Variants in PITX3 observed in about 807,000 individuals in gnomAD.
PITX3 encodes the protein paired like homeodomain 3, also known as pituitary homeobox 3.
Under a neutral mutation model 14.2 loss-of-function variants are expected in PITX3, and 4 were observed. That is an observed-to-expected ratio of 0.28 (90% CI 0.14 to 0.65). The LOEUF (loss-of-function observed/expected upper bound fraction) is 0.65, where lower values mean the gene tolerates loss of function less well. Among genes scored for constraint, PITX3 ranks in the 30% least tolerant of loss-of-function variants. PITX3 has a pLI of 0.82. For missense variants in PITX3, 358 were observed against 426.8 expected (o/e 0.84, Z 1.42); for synonymous variants, 194 against 204.5 (o/e 0.95, Z 0.44).
Position 102,230,859 on chromosome 10 carries a change from G to C in PITX3, c.564C>G (p.Phe188Leu). 6.2e-7 allele frequency: 1 copy of C among 1,600,092 alleles called. No individual in the cohort carries two copies. The highest frequency in any genetic ancestry group is 8.5e-7 in the Non-Finnish European group (1 of 1,174,138). Reference sequence around the variant, plus strand: ...AGGCGGCGATGGAGCTGGGTGGCGAGAAGACGGGCTGCGAAGCCAGAGGCC... The same window carrying C: ...AGGCGGCGATGGAGCTGGGTGGCGACAAGACGGGCTGCGAAGCCAGAGGCC... Reference protein sequence around the residue: ...NVGPLASQPVFSPPSSIAASM... With the variant: ...NVGPLASQPVLSPPSSIAASM... Residue 188 changes from phenylalanine to leucine, a missense_variant, in exon 4 of 4, where the codon TTC becomes TTG. Phe to Leu is a conservative substitution (Grantham distance 22). Transcript: ENST00000370002.
chr10:102,241,131 C>T lies in PITX3; in HGVS notation c.-13+202G>A, dbSNP rs1008501727. ...TTCGTTCCGGATCCTCTGAGTCTCC[C>T]CCTTCCCTATCCCCTGGTTCTTACC... On this transcript the variant is annotated intron_variant, in intron 1 of 3. Coordinates refer to ENST00000370002, the MANE Select transcript of PITX3 (RefSeq NM_005029.4). This position sits in a 1 kb window ranked among gnomAD's most constrained non-coding sequence, Gnocchi z 6.7. Among the ~76,000 whole-genome samples the T allele has an allele frequency of 2.0e-5, 3 of 152,202 alleles. No homozygotes were observed. Among genetic ancestry groups the T allele is most frequent in the East Asian group, 3.9e-4 (2 of 5,184 alleles).
chr10:102,231,902 T>C (rs904091591), intron 2 of PITX3, 61 bp downstream of exon 2: 4 of 1,560,002 alleles, frequency 2.6e-6, no homozygotes, highest in Non-Finnish European at 3.5e-6. Context: ...CCAGCCGGGG[T>C]CCCACCCGCA....
Position 102,230,376 on chromosome 10 carries a change from C to T in PITX3, c.*138G>A, listed in dbSNP as rs1238595057. Reference sequence around the variant, plus strand: ...CAGGGCTGGGAGGGGAAGGCCCTCTCCTGAGCCGGTGCCCCCCAGCTGCCC... The same window carrying T: ...CAGGGCTGGGAGGGGAAGGCCCTCTTCTGAGCCGGTGCCCCCCAGCTGCCC... On this transcript the variant is annotated 3_prime_UTR_variant, in exon 4 of 4. Transcript: ENST00000370002. The T allele has an allele frequency of 7.4e-7, 1 of 1,350,296 alleles. No homozygotes were observed. Among genetic ancestry groups the T allele is most frequent in the Non-Finnish European group, 1.0e-6 (1 of 997,324 alleles). The allele number at this position is 1,350,296 out of a possible 1,614,324, so 83.6% of individuals were successfully genotyped here. A position where few individuals can be genotyped will look rare whatever the true frequency, so the allele number is the denominator to read the frequency against.
chr10:102,238,879 C>T (rs1446620517), intron 1 of PITX3, among the ~76,000 whole-genome samples: 1 of 152,230 alleles, frequency 6.6e-6, no homozygotes, highest in East Asian at 1.9e-4. Context: ...CCTTCCAAAC[C>T]CTGAAGGATT....
intron 1 of PITX3, among the ~76,000 whole-genome samples, chr10:102,235,935 G>A (rs767980711): frequency 1.3e-5 from 2 of 152,266 alleles, no homozygotes; most frequent in Non-Finnish European, 2.9e-5. Context: ...TTGGGGACAA[G>A]GGACTGGTAG....
intron 1 of PITX3, among the ~76,000 whole-genome samples, chr10:102,237,337 G>T (rs193281498): frequency 6.6e-6 from 1 of 152,098 alleles, no homozygotes; most frequent in East Asian, 1.9e-4. Flanking sequence ...AAGAGAAGGG[G>T]TATGGCATTC....
At chr10:102,232,552 C>T (rs2070276643) in intron 1 of PITX3, among the ~76,000 whole-genome samples, 1 of 152,000 alleles carries the variant, frequency 6.6e-6, no homozygotes, top group African/African-American at 2.4e-5. Context: ...CGGGGTGGCA[C>T]GTGCCTGTAA....
At chr10:102,231,190 G>GT in intron 3 of PITX3, 89 bp from the exon 4 acceptor site, 1 of 1,289,502 alleles carries the variant, frequency 7.8e-7, no homozygotes, top group South Asian at 1.5e-5. Flanking sequence ...TCCAGCCGGG[G>GT]CCCTGCGGTC....
chr10:102,238,470 C>T (rs968155058), intron 1 of PITX3, among the ~76,000 whole-genome samples: 3 of 152,154 alleles, frequency 2.0e-5, no homozygotes, highest in East Asian at 1.9e-4. Context: ...TCTCAGACAG[C>T]GGCAGGGGTA....
At chr10:102,235,183 C>CCT (rs1378551040) in intron 1 of PITX3, among the ~76,000 whole-genome samples, 1 of 129,242 alleles carries the variant, frequency 7.7e-6, no homozygotes, top group Admixed American at 7.3e-5. Flanking sequence ...CCCCCCACCC[C>CCT]CCCACCGCCT....
intron 1 of PITX3, among the ~76,000 whole-genome samples, chr10:102,234,578 T>C (rs1590406850): frequency 6.6e-6 from 1 of 152,042 alleles, no homozygotes; most frequent in Non-Finnish European, 1.5e-5. Flanking sequence ...GCTGGGAAGA[T>C]GAGGGAGGAA....
intron 1 of PITX3, among the ~76,000 whole-genome samples, chr10:102,232,764 C>G (rs930194084): frequency 3.9e-5 from 6 of 152,200 alleles, no homozygotes; most frequent in African/African-American, 1.2e-4. Flanking sequence ...TCCTTCTCAC[C>G]TGAATGCTTA....
chr10:102,240,537 G>A (rs2070507068), intron 1 of PITX3, among the ~76,000 whole-genome samples: 1 of 152,202 alleles, frequency 6.6e-6, no homozygotes, highest in South Asian at 2.1e-4. Flanking sequence ...CTGGGCAGGC[G>A]CTGCTGGGTA....
At chr10:102,233,084 T>G (rs2133801782) in intron 1 of PITX3, among the ~76,000 whole-genome samples, 1 of 152,212 alleles carries the variant, frequency 6.6e-6, no homozygotes, top group South Asian at 2.1e-4. Context: ...TGCTTTTTCT[T>G]TGTTTGCTTT....
At chr10:102,235,000 C>T (rs2070346435) in intron 1 of PITX3, among the ~76,000 whole-genome samples, 1 of 152,274 alleles carries the variant, frequency 6.6e-6, no homozygotes, top group African/African-American at 2.4e-5. Flanking sequence ...CAGGCCCCCA[C>T]TCAGACATAA....
chr10:102,235,953 A>G (rs2070382603), intron 1 of PITX3, among the ~76,000 whole-genome samples: 1 of 152,242 alleles, frequency 6.6e-6, no homozygotes, highest in Non-Finnish European at 1.5e-5. Context: ...TAGAGGAAAG[A>G]ATGAAGCCTT....
At chr10:102,234,930 A>G (rs2070344521) in intron 1 of PITX3, among the ~76,000 whole-genome samples, 1 of 152,198 alleles carries the variant, frequency 6.6e-6, no homozygotes, top group African/African-American at 2.4e-5. Context: ...AGCCGAGGCC[A>G]GAAAGCCGAG....
chr10:102,232,907 A>G (rs77276404), intron 1 of PITX3, among the ~76,000 whole-genome samples: 1,555 of 152,276 alleles, frequency 0.01, 22 homozygotes, highest in African/African-American at 0.036. Context: ...AGAATAATGT[A>G]TACTTACTGT....
intron 1 of PITX3, among the ~76,000 whole-genome samples, chr10:102,236,089 G>A (rs1433040206): frequency 1.3e-5 from 2 of 152,180 alleles, no homozygotes; most frequent in Non-Finnish European, 2.9e-5. Flanking sequence ...ATGGAAGGGT[G>A]GGGGCATAGA....
Sources: gnomAD v4.1 joint callset for allele counts (sites outside exome capture counted in the v4.1 genomes callset) on GRCh38, gnomAD v4.1.1 for gene constraint, Gnocchi (gnomAD v3.1) non-coding constraint, MANE v1.5 for transcripts, NCBI Gene and HGNC (gene_info 2026-07-23, HGNC 2026-07-21) for gene names.